MIGA1: variants seen among roughly 807,000 people sequenced by gnomAD.
MIGA1 encodes family with sequence similarity 73, member A.
A neutral mutation model predicts 82.0 loss-of-function variants in MIGA1; 58 were observed. The observed-to-expected ratio is 0.71, with a 90% CI of 0.57 to 0.88. The LOEUF (loss-of-function observed/expected upper bound fraction) is 0.88, where lower values mean the gene tolerates loss of function less well. MIGA1 is among the 40% of genes least tolerant of loss of function. The pLI is 0.00. For synonymous variants in MIGA1, 249 were observed against 253.6 expected, an observed-to-expected ratio of 0.98 and a Z score of 0.17; for missense variants, 751 against 749.1, an observed-to-expected ratio of 1.00 and a Z score of -0.03.
In MIGA1 at chr1:77,814,177, A is replaced by C. The variant is rs541530172; in HGVS notation, c.771+310A>C. ...GTGCTGGGGATTATAGGCATGAGCC[A>C]AGGTGCTGACCCAAAGTATTTTTTA... On this transcript the variant is annotated intron_variant, in intron 6 of 15. Coordinates refer to ENST00000370791, the MANE Select transcript of MIGA1 (RefSeq NM_198549.4). Among the ~76,000 whole-genome samples the C allele has an allele frequency of 2.0e-5, 3 of 152,160 alleles. No homozygotes were observed. The East Asian group carries it at 5.8e-4, about 29-fold the overall frequency.
intron 7 of MIGA1, among the ~76,000 whole-genome samples, chr1:77,836,918 C>CAAAA (rs1684455857): frequency 6.7e-6 from 1 of 148,372 alleles, no homozygotes; most frequent in Admixed American, 6.6e-5. Flanking sequence ...GGCTTTTTTT[C>CAAAA]CCAAGTTACA....
At chr1:77,807,200 C>T in intron 5 of MIGA1, 99 bp downstream of exon 5, 2 of 964,762 alleles carry the variant, frequency 2.1e-6, no homozygotes, top group East Asian at 2.6e-5. Flanking sequence ...CTCACTCTGT[C>T]ACCCAGGCTG....
intron 12 of MIGA1, among the ~76,000 whole-genome samples, chr1:77,863,674 G>A (rs544359980): frequency 3.5e-4 from 53 of 152,244 alleles, no homozygotes; most frequent in African/African-American, 1.2e-3. Flanking sequence ...TAGAGAGGAG[G>A]AGAGATTATT....
chr1:77,869,744 C>CA (rs1416197081), intron 14 of MIGA1, among the ~76,000 whole-genome samples: 3 of 113,186 alleles, frequency 2.7e-5, no homozygotes, highest in East Asian at 5.8e-4. Flanking sequence ...GCCGACCCCC[C>CA]CCCCGCCTGC....
intron 7 of MIGA1, among the ~76,000 whole-genome samples, chr1:77,819,626 C>T (rs561288080): frequency 7.2e-5 from 11 of 152,104 alleles, no homozygotes; most frequent in South Asian, 6.2e-4. Flanking sequence ...CTGTGTTGCC[C>T]AGGCTGGAGT....
chr1:77,794,576 T>C, intron 2 of MIGA1, among the ~76,000 whole-genome samples: 1 of 152,216 alleles, frequency 6.6e-6, no homozygotes, highest in East Asian at 1.9e-4. Flanking sequence ...TTACTGGTGA[T>C]AGTAGCTTTG....
At chr1:77,840,320 T>G (rs1684582659) in intron 7 of MIGA1, among the ~76,000 whole-genome samples, 1 of 152,140 alleles carries the variant, frequency 6.6e-6, no homozygotes, top group Admixed American at 6.5e-5. Context: ...TTTTAAAAAA[T>G]AAAGTACAAG....
At chr1:77,820,468 C>G (rs78548334) in intron 7 of MIGA1, among the ~76,000 whole-genome samples, 1,682 of 152,238 alleles carry the variant, frequency 0.011, 32 homozygotes, top group African/African-American at 0.039. Flanking sequence ...GAAAAATTAA[C>G]ATATAGAGTA....
At chr1:77,851,894 T>TTTTG (rs1685067442) in intron 8 of MIGA1, among the ~76,000 whole-genome samples, 1 of 149,202 alleles carries the variant, frequency 6.7e-6, no homozygotes, top group South Asian at 2.1e-4. Flanking sequence ...TTTTTTTTTT[T>TTTTG]GAGACAGAGT....
chr1:77,818,748 T>C (rs759881959), intron 7 of MIGA1, among the ~76,000 whole-genome samples: 1 of 151,956 alleles, frequency 6.6e-6, no homozygotes, highest in Non-Finnish European at 1.5e-5. Flanking sequence ...CCTTGTATAG[T>C]GAGACCTCAT....
intron 8 of MIGA1, among the ~76,000 whole-genome samples, chr1:77,850,652 A>C (rs539766122): frequency 1.3e-5 from 2 of 152,278 alleles, no homozygotes; most frequent in East Asian, 1.9e-4. Flanking sequence ...ATATTACTTC[A>C]AATTTAGCAA....
At chr1:77,861,384 G>A (rs1265133478) in intron 12 of MIGA1, 62 bp downstream of exon 12, 1 of 1,041,518 alleles carries the variant, frequency 9.6e-7, no homozygotes, top group Non-Finnish European at 1.5e-6. Flanking sequence ...TTTTATATGA[G>A]TTGAGACTAC....
chr1:77,823,030 A>G (rs890088331), intron 7 of MIGA1, among the ~76,000 whole-genome samples: 1 of 150,652 alleles, frequency 6.6e-6, no homozygotes, highest in Non-Finnish European at 1.5e-5. Flanking sequence ...TTTAGTAGAG[A>G]CGGGGTTTCA....
At chr1:77,830,891 C>T (rs1311590837) in intron 7 of MIGA1, among the ~76,000 whole-genome samples, 21 of 152,122 alleles carry the variant, frequency 1.4e-4, no homozygotes, top group South Asian at 8.3e-4. Flanking sequence ...TGATGAAATT[C>T]AGATGAAATA....
intron 8 of MIGA1, among the ~76,000 whole-genome samples, chr1:77,844,838 C>T (rs1325087793): frequency 2.0e-5 from 3 of 151,956 alleles, no homozygotes; most frequent in East Asian, 1.9e-4. Context: ...AAAAATTAGC[C>T]GGGCATGGTG....
rs539337522 is a variant in MIGA1, at chr1:77,795,507, T to A, written c.196-5824T>A. Among the ~76,000 whole-genome samples the A allele has an allele frequency of 2.6e-5, 4 of 152,182 alleles. No individual in the cohort carries two copies. In the East Asian group the frequency reaches 7.7e-4, roughly 29 times the overall value. The stretch of plus-strand genomic sequence containing the variant: ...CACTGCCATACCCTGCCAATTTTTG[T>A]ATTTTTGTTAGAGATGGAGCTTCAC... On this transcript the variant is annotated intron_variant, in intron 2 of 15. Coordinates refer to ENST00000370791, the MANE Select transcript of MIGA1 (RefSeq NM_198549.4).
intron 7 of MIGA1, among the ~76,000 whole-genome samples, chr1:77,835,366 A>G (rs1473822980): frequency 6.6e-6 from 1 of 152,226 alleles, no homozygotes; most frequent in Non-Finnish European, 1.5e-5. Context: ...ATCTGTGTAC[A>G]GTGAATGCTT....
At chr1:77,836,645 T>G (rs768494621) in intron 7 of MIGA1, among the ~76,000 whole-genome samples, 12 of 152,214 alleles carry the variant, frequency 7.9e-5, no homozygotes, top group Non-Finnish European at 1.5e-4. Context: ...AAATTAATAT[T>G]GCTATCCTCA....
intron 8 of MIGA1, among the ~76,000 whole-genome samples, chr1:77,856,563 G>C (rs1057157694): frequency 6.6e-6 from 1 of 151,818 alleles, no homozygotes; most frequent in Non-Finnish European, 1.5e-5. Flanking sequence ...GCTTGTTATT[G>C]GTCTGATCAA....
Sources: gnomAD v4.1 joint callset for allele counts (sites outside exome capture counted in the v4.1 genomes callset) on GRCh38, gnomAD v4.1.1 for gene constraint, MANE v1.5 for transcripts, NCBI Gene and HGNC (gene_info 2026-07-23, HGNC 2026-07-21) for gene names.